Variants in ZMYM2 observed in about 807,000 individuals in gnomAD.
The protein encoded by ZMYM2 is zinc finger MYM-type protein 2.
Under a neutral mutation model 162.8 loss-of-function variants are expected in ZMYM2, and 56 were observed. The observed-to-expected ratio is 0.34, with a 90% CI of 0.28 to 0.43. ZMYM2 has a LOEUF of 0.43. Ranked by LOEUF, ZMYM2 falls within the 20% of genes least tolerant of loss-of-function variation. The pLI, the probability that ZMYM2 is intolerant of heterozygous loss-of-function variation, is 1.00. For missense variants in ZMYM2, 1,275 were observed against 1,621.8 expected, an observed-to-expected ratio of 0.79 and a Z score of 3.67; for synonymous variants, 510 against 541.6, an observed-to-expected ratio of 0.94 and a Z score of 0.81.
At chr13:20,043,473 C>T (rs547493183) in intron 12 of ZMYM2, among the ~76,000 whole-genome samples, 14 of 152,138 alleles carry the variant, frequency 9.2e-5, no homozygotes, top group African/African-American at 3.4e-4. Context: ...GTGGGGAACC[C>T]CTGTTGGCTA....
At position 20,059,896 on chromosome 13, in the gene ZMYM2, C is replaced by T. The variant is rs1008879713; in HGVS notation, c.2739+334C>T. On this transcript the variant is annotated intron_variant, in intron 16 of 24. Coordinates refer to ENST00000610343, the MANE Select transcript of ZMYM2 (RefSeq NM_197968.4). ...TAAAAATGTAAAAATTAGCCAGGCA[C>T]AGTGGCATATACCTGTAATCCCAGC... 1.1e-4 allele frequency among the ~76,000 whole-genome samples: 16 copies of T among 151,936 alleles called. 1 individual carries two copies. Among genetic ancestry groups the T allele is most frequent in the African/African-American group, 2.4e-4 (10 of 41,360 alleles).
chr13:19,995,209 TATC>T (rs927465216), intron 3 of ZMYM2, among the ~76,000 whole-genome samples: 6 of 152,128 alleles, frequency 3.9e-5, no homozygotes, highest in Admixed American at 1.3e-4. Flanking sequence ...AAGCCAAACA[TATC>T]ATCCTTTTTT....
chr13:19,902,842 C>T, the ZMYM2 span, among the ~76,000 whole-genome samples: 7 of 151,802 alleles, frequency 4.6e-5, no homozygotes, highest in Middle Eastern at 3.4e-3. Flanking sequence ...AGGGAGACAT[C>T]GTCTCTACAG....
At chr13:19,937,929 G>A in the ZMYM2 span, among the ~76,000 whole-genome samples, 14 of 151,752 alleles carry the variant, frequency 9.2e-5, 1 homozygote, top group Admixed American at 7.9e-4. Context: ...GAGAATGATG[G>A]TTTCCAGTTT....
At chr13:19,893,786 T>C in the ZMYM2 span, among the ~76,000 whole-genome samples, 2 of 151,646 alleles carry the variant, frequency 1.3e-5, no homozygotes, top group African/African-American at 4.9e-5. Context: ...AACACAAAAG[T>C]ATAAACATAA....
At chr13:19,895,274 T>TA in the ZMYM2 span, among the ~76,000 whole-genome samples, 1 of 151,858 alleles carries the variant, frequency 6.6e-6, no homozygotes, top group South Asian at 2.1e-4. Context: ...CAAATAAAAT[T>TA]ACCATATCAT....
intron 2 of ZMYM2, among the ~76,000 whole-genome samples, chr13:19,971,891 A>C (rs1204047229): frequency 6.6e-6 from 1 of 152,158 alleles, no homozygotes; most frequent in East Asian, 1.9e-4. Flanking sequence ...CTAGATGTAG[A>C]GAGTAGGCAG....
At chr13:20,024,081 T>TA (rs1952358380) in intron 7 of ZMYM2, among the ~76,000 whole-genome samples, 1 of 151,986 alleles carries the variant, frequency 6.6e-6, no homozygotes, top group Admixed American at 6.6e-5. Context: ...ACTACAGGCA[T>TA]GCACCACCAC....
the ZMYM2 span, among the ~76,000 whole-genome samples, chr13:19,918,076 A>G: frequency 6.6e-6 from 1 of 152,248 alleles, no homozygotes; most frequent in Non-Finnish European, 1.5e-5. Context: ...AAGAAAAAGA[A>G]AAAGAACATT....
At chr13:19,904,162 C>A in the ZMYM2 span, among the ~76,000 whole-genome samples, 1 of 150,650 alleles carries the variant, frequency 6.6e-6, no homozygotes, top group African/African-American at 2.4e-5. Flanking sequence ...TGGAATTTAT[C>A]TCAGAGGTGG....
chr13:20,078,188 A>G (rs1456975641), intron 21 of ZMYM2, among the ~76,000 whole-genome samples: 1 of 152,124 alleles, frequency 6.6e-6, no homozygotes, highest in Non-Finnish European at 1.5e-5. Context: ...GAAAGCTGGA[A>G]TATTTTCATT....
the ZMYM2 span, among the ~76,000 whole-genome samples, chr13:19,876,778 G>A: frequency 6.6e-6 from 1 of 152,078 alleles, no homozygotes; most frequent in African/African-American, 2.4e-5. Context: ...AAAAAGTGAA[G>A]CTCTGTACCT....
chr13:19,990,985 A>C (rs1451279507), intron 2 of ZMYM2, among the ~76,000 whole-genome samples: 1 of 151,262 alleles, frequency 6.6e-6, no homozygotes, highest in African/African-American at 2.4e-5. Flanking sequence ...TGATATTACC[A>C]CCTGAGCCCA....
At chr13:19,910,313 T>A in the ZMYM2 span, among the ~76,000 whole-genome samples, 1 of 152,142 alleles carries the variant, frequency 6.6e-6, no homozygotes, top group African/African-American at 2.4e-5. Flanking sequence ...GCTTTGGGAA[T>A]TAGAAAGGGT....
chr13:20,071,741 C>A, intron 21 of ZMYM2: 1 of 171,792 alleles, frequency 5.8e-6, no homozygotes, highest in Non-Finnish European at 1.3e-5. Context: ...CATTAATTGG[C>A]CTTAAGTTCC....
chr13:20,005,633 G>A (rs1950680956), intron 5 of ZMYM2, among the ~76,000 whole-genome samples: 1 of 152,046 alleles, frequency 6.6e-6, no homozygotes, highest in Non-Finnish European at 1.5e-5. Flanking sequence ...AATATTTTTT[G>A]ATAACCTCAC....
chr13:19,959,181 CGGGACGGCGGGACGGCGGGGCGGG>C (rs1954870915), intron 1 of ZMYM2, among the ~76,000 whole-genome samples: 1 of 133,190 alleles, frequency 7.5e-6, no homozygotes, highest in Non-Finnish European at 1.6e-5. Context: ...GGCGGGGCGG[CGGGACGGCGGGACGGCGGGGCGGG>C]GGTGCCGGCC....
chr13:20,043,496 T>G (rs905048861), intron 12 of ZMYM2, among the ~76,000 whole-genome samples: 1 of 152,022 alleles, frequency 6.6e-6, no homozygotes, highest in Admixed American at 6.6e-5. Flanking sequence ...GTGCCTGTGG[T>G]TGCACTGGTG....
intron 6 of ZMYM2, among the ~76,000 whole-genome samples, chr13:20,017,739 AT>A (rs1000983837): frequency 6.6e-6 from 1 of 150,456 alleles, no homozygotes; most frequent in African/African-American, 2.4e-5. Context: ...GATTCTTTCC[AT>A]TTTATTCTTC....
Sources: gnomAD v4.1 joint callset for allele counts (sites outside exome capture counted in the v4.1 genomes callset) on GRCh38, gnomAD v4.1.1 for gene constraint, MANE v1.5 for transcripts, NCBI Gene and HGNC (gene_info 2026-07-23, HGNC 2026-07-21) for gene names.